The following SIPA1L1 variants were observed in gnomAD, a reference collection of about 807,000 sequenced individuals.
The protein encoded by SIPA1L1 is signal-induced proliferation-associated 1-like protein 1.
In SIPA1L1, 26 loss-of-function variants were observed where a neutral mutation model predicts 162.7. That is an observed-to-expected ratio of 0.16 (90% CI 0.12 to 0.22). The LOEUF (loss-of-function observed/expected upper bound fraction) is 0.22, where lower values mean the gene tolerates loss of function less well. Among genes scored for constraint, SIPA1L1 ranks in the 10% least tolerant of loss-of-function variants. The probability of loss-of-function intolerance (pLI) is 1.00; values close to 1 mark genes in which losing one functional copy is unlikely to be tolerated. For synonymous variants in SIPA1L1, 829 were observed against 837.4 expected (o/e 0.99, Z 0.17); for missense variants, 1,874 against 2,241.0 (o/e 0.84, Z 3.31).
rs956532640 is a variant in SIPA1L1 at position 71,423,219 on chromosome 14, C to T, written c.-464-89524C>T. ...TTCTTTATATAGCTGTGATGTTAAT[C>T]CCTTGTCAGATATATGAATATGATT... is the stretch of plus-strand genomic sequence containing the variant. On this transcript the variant is annotated intron_variant, in intron 2 of 23. Transcript: ENST00000381232. Among the ~76,000 whole-genome samples the T allele has an allele frequency of 5.9e-5, 9 of 152,024 alleles. No individual in the cohort carries two copies. In the South Asian group the frequency reaches 6.2e-4, roughly 11 times the overall value.
chr14:71,429,216 AAATT>A (rs1165051944), intron 2 of SIPA1L1, among the ~76,000 whole-genome samples: 1 of 152,196 alleles, frequency 6.6e-6, no homozygotes, highest in Non-Finnish European at 1.5e-5. Context: ...TAGAAGTAAT[AAATT>A]AGTCCATTTA....
chr14:71,705,050 C>T, intron 15 of SIPA1L1, 172 bp from the exon 16 acceptor site: 1 of 625,776 alleles, frequency 1.6e-6, no homozygotes, highest in Non-Finnish European at 2.8e-6. Context: ...CCATCAGCCA[C>T]TTAAGTTTCT....
chr14:71,380,595 G>C (rs1304243487), intron 2 of SIPA1L1, among the ~76,000 whole-genome samples: 2 of 152,172 alleles, frequency 1.3e-5, no homozygotes, highest in Non-Finnish European at 2.9e-5. Flanking sequence ...TAAGAGAATA[G>C]GATACAGGAC....
intron 2 of SIPA1L1, among the ~76,000 whole-genome samples, chr14:71,362,703 C>G (rs149028316): frequency 6.6e-6 from 1 of 152,260 alleles, no homozygotes; most frequent in East Asian, 1.9e-4. Flanking sequence ...CCTTTTCAAT[C>G]TTTAGGTGAA....
chr14:71,639,589 G>GA (rs1311673403), intron 7 of SIPA1L1, among the ~76,000 whole-genome samples: 3 of 152,140 alleles, frequency 2.0e-5, no homozygotes, highest in Admixed American at 6.5e-5. Context: ...AAGTTTACAT[G>GA]AAAAAACAAA....
intron 4 of SIPA1L1, among the ~76,000 whole-genome samples, chr14:71,534,169 C>T (rs2053687544): frequency 6.6e-6 from 1 of 152,202 alleles, no homozygotes; most frequent in South Asian, 2.1e-4. Flanking sequence ...ACCCAGTTAA[C>T]CTTTCACTTA....
intron 4 of SIPA1L1, among the ~76,000 whole-genome samples, chr14:71,544,043 A>G (rs897657006): frequency 1.4e-5 from 2 of 147,154 alleles, no homozygotes; most frequent in Non-Finnish European, 1.5e-5. Flanking sequence ...GTATATACAC[A>G]CGCACGCACA....
chr14:71,453,608 A>T (rs2045971966), intron 2 of SIPA1L1, among the ~76,000 whole-genome samples: 2 of 152,232 alleles, frequency 1.3e-5, no homozygotes, highest in South Asian at 4.1e-4. Flanking sequence ...TAAGAATCAT[A>T]ATACTGGAGT....
intron 4 of SIPA1L1, among the ~76,000 whole-genome samples, chr14:71,530,906 G>C (rs565632122): frequency 6.6e-6 from 1 of 152,174 alleles, no homozygotes; most frequent in South Asian, 2.1e-4. Context: ...ATTGAGGATC[G>C]CTGAAAGAGG....
intron 13 of SIPA1L1, among the ~76,000 whole-genome samples, chr14:71,690,791 A>G (rs573586506): frequency 3.3e-5 from 5 of 152,154 alleles, no homozygotes; most frequent in African/African-American, 1.2e-4. Context: ...CACTTGAGCA[A>G]CCTCAACTGT....
intron 7 of SIPA1L1, among the ~76,000 whole-genome samples, chr14:71,647,082 G>A (rs866871815): frequency 2.0e-5 from 3 of 152,002 alleles, no homozygotes; most frequent in South Asian, 2.1e-4. Context: ...GCCTGAGTTC[G>A]GAGAATGCTA....
At chr14:71,346,847 C>T (rs915242095) in intron 2 of SIPA1L1, among the ~76,000 whole-genome samples, 2 of 152,168 alleles carry the variant, frequency 1.3e-5, no homozygotes, top group African/African-American at 4.8e-5. Context: ...AGTTATCACC[C>T]TCCTGCCTAT....
Position 71,433,003 on chromosome 14 carries a change from G to C in SIPA1L1, c.-464-79740G>C, listed in dbSNP as rs143010847. Reference sequence around the variant, plus strand: ...AGGATTATAAGATCTTTTGCTTAGAGTGTGAATGGAAAGGGGTATAATAGA... The same window carrying C: ...AGGATTATAAGATCTTTTGCTTAGACTGTGAATGGAAAGGGGTATAATAGA... On this transcript the variant is annotated intron_variant, in intron 2 of 23. Transcript: ENST00000381232. 6.0e-4 allele frequency among the ~76,000 whole-genome samples: 91 copies of C among 152,308 alleles called. No homozygotes were observed. In the Middle Eastern group the frequency reaches 0.01, roughly 17 times the overall value.
intron 17 of SIPA1L1, among the ~76,000 whole-genome samples, chr14:71,718,899 T>G (rs764875194): frequency 3.9e-5 from 6 of 152,126 alleles, no homozygotes; most frequent in Non-Finnish European, 8.8e-5. Flanking sequence ...TTGGATTGTT[T>G]CCAATTTTGG....
intron 7 of SIPA1L1, among the ~76,000 whole-genome samples, chr14:71,646,603 T>G (rs1224989625): frequency 1.3e-5 from 2 of 152,246 alleles, no homozygotes; most frequent in Non-Finnish European, 2.9e-5. Flanking sequence ...TTGTTGAGAT[T>G]TAAGACCTTC....
At chr14:71,443,307 G>A (rs2045062702) in intron 2 of SIPA1L1, among the ~76,000 whole-genome samples, 1 of 151,972 alleles carries the variant, frequency 6.6e-6, no homozygotes, top group Non-Finnish European at 1.5e-5. Context: ...GATATTCTAG[G>A]TACTTGTCTG....
intron 4 of SIPA1L1, among the ~76,000 whole-genome samples, chr14:71,558,964 G>A (rs2056571376): frequency 6.6e-6 from 1 of 152,270 alleles, no homozygotes; most frequent in African/African-American, 2.4e-5. Flanking sequence ...GATTACTGGT[G>A]TAAGCCAGGG....
chr14:71,624,199 A>G lies in SIPA1L1; in HGVS notation c.1781A>G (p.Lys594Arg), dbSNP rs764709818. The change falls in exon 7 of 24, where the codon AAG becomes AGG. Residue 594 changes from lysine to arginine, a missense_variant. Around this residue, in one of 5 missense-constraint regions of SIPA1L1, gnomAD observed 685 missense variants for 828.0 expected, o/e 0.83. Transcript: ENST00000381232. ...CTGCGGTTGGCCTTCAACACACCCA[A>G]GGTCACAGAGCAGCTCATGAAACTG... ...QCLRLAFNTP[K>R]VTEQLMKLDE... 5 of 1,613,966 alleles carry G rather than the reference A, an allele frequency of 3.1e-6. No homozygotes were observed. The East Asian group carries it at 8.9e-5, about 29-fold the overall frequency.
chr14:71,385,686 C>CTTTTTTTTTTTTTTTTTTTTTTTTATTTT, intron 2 of SIPA1L1, among the ~76,000 whole-genome samples: 1 of 112,416 alleles, frequency 8.9e-6, no homozygotes, highest in Non-Finnish European at 1.8e-5. Context: ...TTTGTACATT[C>CTTTTTTTTTTTTTTTTTTTTTTTTATTTT]TTTTTTTTTT....
Sources: gnomAD v4.1 joint callset for allele counts (sites outside exome capture counted in the v4.1 genomes callset) on GRCh38, gnomAD v4.1.1 for gene constraint, gnomAD v4.1.1 regional missense constraint, MANE v1.5 for transcripts, NCBI Gene and HGNC (gene_info 2026-07-23, HGNC 2026-07-21) for gene names.